EPHA5: variants seen among roughly 807,000 people sequenced by gnomAD.
The protein encoded by EPHA5 is ephrin type-A receptor 5.
Under a neutral mutation model 105.0 loss-of-function variants are expected in EPHA5, and 60 were observed. The ratio of observed to expected loss-of-function variants is 0.57; its 90% CI spans 0.46 to 0.71. EPHA5 has a LOEUF of 0.71. EPHA5 is among the 30% of genes least tolerant of loss of function. The pLI, the probability that EPHA5 is intolerant of heterozygous loss-of-function variation, is 0.00. For synonymous variants in EPHA5, 513 were observed against 449.1 expected, an observed-to-expected ratio of 1.14 and a Z score of -1.80; for missense variants, 1,218 against 1,274.7, an observed-to-expected ratio of 0.96 and a Z score of 0.68.
chr4:65,404,241 T>G (rs972978658), intron 8 of EPHA5, 133 bp downstream of exon 8: 1 of 645,426 alleles, frequency 1.5e-6, no homozygotes, highest in South Asian at 1.9e-5. Flanking sequence ...AGGAATTGCA[T>G]CATGTATTGA....
At chr4:65,438,234 A>G (rs533844961) in intron 5 of EPHA5, among the ~76,000 whole-genome samples, 13 of 152,116 alleles carry the variant, frequency 8.5e-5, no homozygotes, top group African/African-American at 2.9e-4. Flanking sequence ...AAATAATCAT[A>G]ACAATAACAA....
chr4:65,419,123 G>C (rs548668469), intron 6 of EPHA5, among the ~76,000 whole-genome samples: 3 of 151,572 alleles, frequency 2.0e-5, no homozygotes, highest in East Asian at 2.0e-4. Context: ...GACCTCAGGC[G>C]ACCACCCGCC....
chr4:65,634,480 A>G (rs1746933539), intron 2 of EPHA5, among the ~76,000 whole-genome samples: 1 of 152,082 alleles, frequency 6.6e-6, no homozygotes, highest in African/African-American at 2.4e-5. Flanking sequence ...CCATGTGAGA[A>G]ATCTAAATGC....
At chr4:65,393,862 T>C (rs1462291792) in intron 8 of EPHA5, among the ~76,000 whole-genome samples, 2 of 152,174 alleles carry the variant, frequency 1.3e-5, no homozygotes, top group African/African-American at 2.4e-5. Flanking sequence ...ACATTTTTAA[T>C]AGTCTTAAAC....
intron 3 of EPHA5, among the ~76,000 whole-genome samples, chr4:65,525,575 A>G (rs897233155): frequency 2.0e-5 from 3 of 151,840 alleles, no homozygotes; most frequent in Non-Finnish European, 4.4e-5. Flanking sequence ...TTGGAAAGCT[A>G]TTTACTAGAC....
chr4:65,389,009 GCT>G (rs1484673849), intron 8 of EPHA5, among the ~76,000 whole-genome samples: 75 of 152,024 alleles, frequency 4.9e-4, no homozygotes, highest in African/African-American at 1.8e-3. Context: ...TTGAATTCAT[GCT>G]AATTTGATGA....
At chr4:65,408,805 A>T (rs923016394) in intron 7 of EPHA5, among the ~76,000 whole-genome samples, 3 of 151,620 alleles carry the variant, frequency 2.0e-5, no homozygotes, top group Non-Finnish European at 3.0e-5. Flanking sequence ...ATCTAGAACT[A>T]GAAATACCAT....
intron 11 of EPHA5, among the ~76,000 whole-genome samples, chr4:65,354,380 G>A (rs1723106440): frequency 6.6e-6 from 1 of 151,562 alleles, no homozygotes; most frequent in Non-Finnish European, 1.5e-5. Flanking sequence ...TGCTATATGA[G>A]AAAATATCTA....
In EPHA5 at chr4:65,361,928, C is replaced by T. The variant is rs888723263; in HGVS notation, c.2173+3089G>A. Among the ~76,000 whole-genome samples the T allele has an allele frequency of 4.0e-5, 6 of 151,576 alleles. No homozygotes were observed. In the South Asian group the frequency reaches 1.2e-3, roughly 32 times the overall value. On this transcript the variant is annotated intron_variant, in intron 11 of 16. Coordinates refer to ENST00000613740, the MANE Select transcript of EPHA5 (RefSeq NM_001281766.3). ...ATGAAATCTTCAGGAACTAAGGATG[C>T]TGCAGTGAAAAAATTACAACTTTTT... is the stretch of plus-strand genomic sequence containing the variant.
intron 3 of EPHA5, among the ~76,000 whole-genome samples, chr4:65,587,264 C>T (rs1205974701): frequency 6.6e-6 from 1 of 152,062 alleles, no homozygotes; most frequent in Non-Finnish European, 1.5e-5. Context: ...GATGCTCCCA[C>T]ATCAGAATCC....
At chr4:65,365,273 C>A (rs966573066) in intron 10 of EPHA5, 71 bp from the exon 11 acceptor site, 4 of 1,238,070 alleles carry the variant, frequency 3.2e-6, no homozygotes, top group Non-Finnish European at 4.6e-6. Context: ...TGTATGCCCT[C>A]TTAGACTACT....
At chr4:65,552,822 C>G (rs942433877) in intron 3 of EPHA5, among the ~76,000 whole-genome samples, 11 of 151,976 alleles carry the variant, frequency 7.2e-5, no homozygotes, top group Admixed American at 5.9e-4. Flanking sequence ...TTTATTTTTA[C>G]CTAATTAAAT....
At chr4:65,647,790 G>T (rs1485951941) in intron 1 of EPHA5, among the ~76,000 whole-genome samples, 1 of 152,132 alleles carries the variant, frequency 6.6e-6, no homozygotes, top group African/African-American at 2.4e-5. Context: ...CATGTTGGTT[G>T]ATATTGGTAT....
intron 8 of EPHA5, among the ~76,000 whole-genome samples, chr4:65,380,515 T>G (rs1719449913): frequency 6.6e-6 from 1 of 151,652 alleles, no homozygotes; most frequent in Non-Finnish European, 1.5e-5. Flanking sequence ...GAAGCAAGAC[T>G]GCAGGCTATG....
At chr4:65,408,620 C>T (rs1287273050) in intron 7 of EPHA5, among the ~76,000 whole-genome samples, 1 of 152,010 alleles carries the variant, frequency 6.6e-6, no homozygotes, top group African/African-American at 2.4e-5. Context: ...CAGAGAAATG[C>T]AAATCAAAAC....
intron 8 of EPHA5, among the ~76,000 whole-genome samples, chr4:65,381,696 T>G (rs1719580021): frequency 6.6e-6 from 1 of 151,834 alleles, no homozygotes; most frequent in Non-Finnish European, 1.5e-5. Context: ...CAAATTTGTA[T>G]GTTGAAGTCT....
At chr4:65,619,294 CA>C (rs1560781340) in intron 2 of EPHA5, among the ~76,000 whole-genome samples, 1 of 152,052 alleles carries the variant, frequency 6.6e-6, no homozygotes, top group African/African-American at 2.4e-5. Context: ...CTATCTCTAA[CA>C]GACAATGATT....
At chr4:65,452,400 C>A (rs1578146933) in intron 5 of EPHA5, among the ~76,000 whole-genome samples, 1 of 151,960 alleles carries the variant, frequency 6.6e-6, no homozygotes, top group African/African-American at 2.4e-5. Flanking sequence ...AATTCATATA[C>A]AAATGTTATT....
In EPHA5 at chr4:65,331,986, G is replaced by A. The variant is rs2148798042; in HGVS notation, c.2932C>T (p.Gln978Ter). The A allele has an allele frequency of 6.2e-7, 1 of 1,602,756 alleles. No homozygotes were observed. The highest frequency in any genetic ancestry group is 8.5e-7 in the Non-Finnish European group (1 of 1,176,058). ...NGYSSMDAVA[Q>*]VTLEDLRRLG... ...AAAATTACTCACTCCAAGGTCACCT[G>A]AGCCACAGCGTCCATTGAACTGTAT... is the stretch of plus-strand genomic sequence containing the variant. Residue 978 changes from glutamine to a stop codon, truncating the protein, a stop_gained, in exon 16 of 17, where the codon CAG (glutamine) becomes TAG (stop). Transcript: ENST00000613740. LOFTEE classifies it high-confidence loss of function.
Sources: allele counts gnomAD v4.1 joint callset (sites outside exome capture counted in the v4.1 genomes callset), GRCh38; gene constraint gnomAD v4.1.1; transcripts MANE v1.5; gene names NCBI Gene and HGNC (gene_info 2026-07-23, HGNC 2026-07-21).